CSMD1: variants seen among roughly 807,000 people sequenced by gnomAD.
The protein encoded by CSMD1 is CUB and Sushi multiple domains 1.
A neutral mutation model predicts 417.5 loss-of-function variants in CSMD1; 213 were observed. The observed-to-expected ratio is 0.51, with a 90% confidence interval of 0.46 to 0.57. The LOEUF (loss-of-function observed/expected upper bound fraction) is 0.57. Among genes scored for constraint, CSMD1 ranks in the 20% least tolerant of loss-of-function variants. The pLI is 0.00. For missense variants in CSMD1, 6,923 were observed against 4,529.7 expected (o/e 1.53, Z -15.17); for synonymous variants, 2,862 against 1,736.8 (o/e 1.65, Z -16.11).
intron 10 of CSMD1, among the ~76,000 whole-genome samples, chr8:3,523,312 T>C (rs1389040772): frequency 2.0e-5 from 3 of 152,194 alleles, no homozygotes; most frequent in Admixed American, 6.5e-5. Flanking sequence ...ATTTTTGCTT[T>C]ACTAAATTAT....
chr8:4,784,643 C>T (rs958073910), intron 1 of CSMD1, among the ~76,000 whole-genome samples: 4 of 151,992 alleles, frequency 2.6e-5, no homozygotes, highest in African/African-American at 9.7e-5. Context: ...TCCATTATGC[C>T]TCCATTAAAA....
At chr8:4,354,080 G>A (rs1009034889) in intron 3 of CSMD1, among the ~76,000 whole-genome samples, 5 of 152,136 alleles carry the variant, frequency 3.3e-5, no homozygotes, top group African/African-American at 1.2e-4. Flanking sequence ...AATCTGCATG[G>A]CAATATTGCT....
At chr8:4,510,213 C>A (rs1802740496) in intron 2 of CSMD1, among the ~76,000 whole-genome samples, 5 of 151,934 alleles carry the variant, frequency 3.3e-5, no homozygotes, top group Admixed American at 3.3e-4. Context: ...TGAGGTCTCT[C>A]CAGCCATGTG....
Position 3,659,047 on chromosome 8 carries a change from T to A in CSMD1, c.1010-42250A>T, listed in dbSNP as rs111331969. The stretch of plus-strand genomic sequence containing the variant: ...GTGTCATTTAATTAACACGGCGCCA[T>A]TGCATCTACTTGAAATTAGTTCTAA... On this transcript the variant is annotated intron_variant, in intron 7 of 69. Transcript: ENST00000635120. Among the ~76,000 whole-genome samples the A allele has an allele frequency of 8.0e-4, 122 of 152,308 alleles. 1 individual carries two copies. Among genetic ancestry groups the A allele is most frequent in the Non-Finnish European group, 1.4e-3 (97 of 68,010 alleles).
chr8:3,483,847 C>T (rs1321254056), intron 11 of CSMD1, among the ~76,000 whole-genome samples: 1 of 152,076 alleles, frequency 6.6e-6, no homozygotes, highest in Non-Finnish European at 1.5e-5. Flanking sequence ...TTAAAAAAAT[C>T]AATCAATGTC....
At chr8:4,582,791 C>A (rs918466039) in intron 2 of CSMD1, among the ~76,000 whole-genome samples, 1 of 152,196 alleles carries the variant, frequency 6.6e-6, no homozygotes, top group Non-Finnish European at 1.5e-5. Flanking sequence ...TGGCCAAGGC[C>A]GGAGCCCACT....
chr8:4,930,452 ACT>A lies in CSMD1; in HGVS notation c.85+63878_85+63879del, dbSNP rs144199048. Among the ~76,000 whole-genome samples the A allele has an allele frequency of 9.5e-3, 1,439 of 152,196 alleles. 24 individuals carry two copies. The highest frequency in any genetic ancestry group is 0.033 in the African/African-American group (1,382 of 41,514). The stretch of plus-strand genomic sequence containing the variant: ...TGGCGCTTAAAGAGAAATTTGACAT[ACT>A]GTTAGCTTATTAGTTTACTCAGCAC... On this transcript the variant is annotated intron_variant, in intron 1 of 69. Transcript: ENST00000635120.
intron 1 of CSMD1, among the ~76,000 whole-genome samples, chr8:4,937,629 G>T (rs534738108): frequency 1.3e-5 from 2 of 152,124 alleles, no homozygotes; most frequent in African/African-American, 4.8e-5. Context: ...AGTATCTGAC[G>T]GAGGCATCAA....
At chr8:4,362,636 C>T (rs781550808) in intron 3 of CSMD1, among the ~76,000 whole-genome samples, 13 of 152,104 alleles carry the variant, frequency 8.5e-5, no homozygotes, top group Non-Finnish European at 1.3e-4. Context: ...GTTTGCTACC[C>T]CCTCTACTGG....
intron 41 of CSMD1, among the ~76,000 whole-genome samples, chr8:3,134,721 G>C (rs189204191): frequency 1.3e-5 from 2 of 152,190 alleles, no homozygotes; most frequent in East Asian, 3.9e-4. Context: ...ACAATAGCTT[G>C]GCTGACACTA....
At chr8:4,101,791 T>A (rs990743591) in intron 3 of CSMD1, among the ~76,000 whole-genome samples, 1 of 151,928 alleles carries the variant, frequency 6.6e-6, no homozygotes, top group Non-Finnish European at 1.5e-5. Context: ...GGTACAGAAG[T>A]CTGTGAGTTC....
At chr8:4,634,221 A>G (rs1177955717) in intron 2 of CSMD1, among the ~76,000 whole-genome samples, 2 of 152,178 alleles carry the variant, frequency 1.3e-5, no homozygotes, top group African/African-American at 4.8e-5. Flanking sequence ...AGATGATAAT[A>G]TAAAGGATAT....
chr8:3,566,461 T>G (rs1799713643), intron 10 of CSMD1, among the ~76,000 whole-genome samples: 1 of 152,034 alleles, frequency 6.6e-6, no homozygotes, highest in Non-Finnish European at 1.5e-5. Context: ...GTACCGCTCC[T>G]CCTGCACCTC....
At chr8:3,492,974 C>A (rs1253103578) in intron 11 of CSMD1, among the ~76,000 whole-genome samples, 1 of 152,038 alleles carries the variant, frequency 6.6e-6, no homozygotes, top group Non-Finnish European at 1.5e-5. Context: ...TATAACATCA[C>A]AGGGAAGCAG....
chr8:3,888,121 G>T (rs1806687878), intron 5 of CSMD1, among the ~76,000 whole-genome samples: 1 of 152,082 alleles, frequency 6.6e-6, no homozygotes, highest in Non-Finnish European at 1.5e-5. Context: ...TGCCTAAGTG[G>T]GATAACATGG....
At chr8:3,987,641 G>A (rs1439061741) in intron 5 of CSMD1, among the ~76,000 whole-genome samples, 1 of 152,180 alleles carries the variant, frequency 6.6e-6, no homozygotes, top group Non-Finnish European at 1.5e-5. Flanking sequence ...GTAGGGCTTT[G>A]CTGATAAAGC....
chr8:3,488,145 C>A (rs906554794), intron 11 of CSMD1, among the ~76,000 whole-genome samples: 2 of 150,776 alleles, frequency 1.3e-5, no homozygotes, highest in African/African-American at 4.9e-5. Context: ...CTCTGTTGCT[C>A]AGGCTGGAGT....
Position 4,761,912 on chromosome 8 carries a change from A to AATCTATCTATCT in CSMD1, c.86-124366_86-124355dup, listed in dbSNP as rs60693169. 4.1e-3 allele frequency among the ~76,000 whole-genome samples: 417 copies of AATCTATCTATCT among 101,250 alleles called. 1 individual carries two copies. Among genetic ancestry groups the AATCTATCTATCT allele is most frequent in the Middle Eastern group, 0.017 (3 of 180 alleles). 66.4% of individuals were successfully genotyped at this position (101,250 alleles called of 152,430 possible). Reference sequence around the variant, plus strand: ...CTACCTACCTATCTATCTATCTATCAATCTATCTATCTATCTATCTATCTA... The same window carrying AATCTATCTATCT: ...CTACCTACCTATCTATCTATCTATCAATCTATCTATCTATCTATCTATCTATCTATCTATCTA... On this transcript the variant is annotated intron_variant, in intron 1 of 69. Transcript: ENST00000635120.
intron 3 of CSMD1, among the ~76,000 whole-genome samples, chr8:4,395,303 A>G (rs779145036): frequency 6.6e-6 from 1 of 152,220 alleles, no homozygotes; most frequent in African/African-American, 2.4e-5. Context: ...CTAATTCTTC[A>G]TAACTTCAGC....
Sources: allele counts gnomAD v4.1 joint callset (sites outside exome capture counted in the v4.1 genomes callset), GRCh38; gene constraint gnomAD v4.1.1; transcripts MANE v1.5; gene names NCBI Gene and HGNC (gene_info 2026-07-23, HGNC 2026-07-21).